Variants in LRRFIP2 observed in about 807,000 individuals in gnomAD.
LRRFIP2 encodes leucine-rich repeat flightless-interacting protein 2.
Under a neutral mutation model 125.9 loss-of-function variants are expected in LRRFIP2, and 109 were observed. That is an observed-to-expected ratio of 0.87 (90% CI 0.74 to 1.01). The LOEUF is 1.01. Among genes scored for constraint, LRRFIP2 ranks in the 50% least tolerant of loss-of-function variants. The pLI, the probability that LRRFIP2 is intolerant of heterozygous loss-of-function variation, is 0.00. For synonymous variants in LRRFIP2, 291 were observed against 293.1 expected, an observed-to-expected ratio of 0.99 and a Z score of 0.07; for missense variants, 850 against 862.3, an observed-to-expected ratio of 0.99 and a Z score of 0.18.
rs537960053 is a variant in LRRFIP2, at chr3:37,109,646, T to C, written c.564+7A>G. The C allele has an allele frequency of 6.2e-6, 10 of 1,613,960 alleles. No homozygotes were observed. The highest frequency in any genetic ancestry group is 8.5e-6 in the Non-Finnish European group (10 of 1,179,950). ...TAAAGGCAGAACATTCCTCAGAAAG[T>C]ACTAACCCTGTCACTCTTATATGTT... On this transcript the variant is annotated splice_region_variant and intron_variant, in intron 10 of 27. Coordinates refer to ENST00000336686, the MANE Select transcript of LRRFIP2 (RefSeq NM_006309.4).
intron 15 of LRRFIP2, among the ~76,000 whole-genome samples, chr3:37,100,622 T>C (rs2093986943): frequency 6.6e-6 from 1 of 152,172 alleles, no homozygotes; most frequent in South Asian, 2.1e-4. Context: ...GCACTTTCAC[T>C]TATATGTAAG....
chr3:37,165,175 C>T (rs1219877821), intron 1 of LRRFIP2, among the ~76,000 whole-genome samples: 1 of 150,498 alleles, frequency 6.6e-6, no homozygotes, highest in African/African-American at 2.5e-5. Context: ...GCGGAGCTTC[C>T]AGTGAGCCGA....
At chr3:37,058,052 G>A (rs1559637610) in intron 25 of LRRFIP2, among the ~76,000 whole-genome samples, 1 of 152,210 alleles carries the variant, frequency 6.6e-6, no homozygotes, top group Admixed American at 6.5e-5. Context: ...TCAATTTAGT[G>A]TGAAGTAGTT....
At chr3:37,156,701 A>AG (rs1357245282) in intron 1 of LRRFIP2, among the ~76,000 whole-genome samples, 2 of 149,036 alleles carry the variant, frequency 1.3e-5, no homozygotes, top group South Asian at 2.1e-4. Context: ...AAAAAAAAAA[A>AG]AAGAAGTGTG....
chr3:37,080,874 A>C (rs1003337774), intron 19 of LRRFIP2, among the ~76,000 whole-genome samples: 1 of 152,228 alleles, frequency 6.6e-6, no homozygotes, highest in Admixed American at 6.5e-5. Context: ...AAGTGTAAAA[A>C]AGAAAAATCA....
In LRRFIP2 at chr3:37,105,538, T is replaced by G; in HGVS notation, c.715-15A>C. ...TCGTTGGTAAACTATAGATATTAAATGCAGATAATGAAAAAGATGCAATTT... is the reference window on the plus strand; with the variant it reads ...TCGTTGGTAAACTATAGATATTAAAGGCAGATAATGAAAAAGATGCAATTT... On this transcript the variant is annotated splice_polypyrimidine_tract_variant and intron_variant, in intron 13 of 27. Transcript: ENST00000336686. 6.2e-7 allele frequency: 1 copy of G among 1,606,128 alleles called. No individual in the cohort carries two copies. Among genetic ancestry groups the G allele is most frequent in the Non-Finnish European group, 8.5e-7 (1 of 1,172,910 alleles).
intron 1 of LRRFIP2, among the ~76,000 whole-genome samples, chr3:37,162,422 C>A (rs1466222135): frequency 6.6e-6 from 1 of 152,054 alleles, no homozygotes; most frequent in Non-Finnish European, 1.5e-5. Flanking sequence ...AAAAGTAATT[C>A]TGGAAACAAG....
At chr3:37,090,123 T>A (rs1193642995) in intron 18 of LRRFIP2, among the ~76,000 whole-genome samples, 1 of 152,230 alleles carries the variant, frequency 6.6e-6, no homozygotes, top group African/African-American at 2.4e-5. Flanking sequence ...CCCTTGCCCA[T>A]GAAATCTATG....
chr3:37,165,914 T>G (rs769025064), intron 1 of LRRFIP2, among the ~76,000 whole-genome samples: 2 of 151,574 alleles, frequency 1.3e-5, no homozygotes, highest in African/African-American at 2.4e-5. Flanking sequence ...ACAAATGAGC[T>G]AAAACCATAA....
At chr3:37,072,681 G>A in intron 21 of LRRFIP2, 109 bp downstream of exon 21, 1 of 647,102 alleles carries the variant, frequency 1.5e-6, no homozygotes, top group East Asian at 2.7e-5. Context: ...TTCATACTGT[G>A]TAAATGCTCA....
intron 1 of LRRFIP2, among the ~76,000 whole-genome samples, chr3:37,173,896 G>A (rs897295309): frequency 2.0e-5 from 3 of 152,098 alleles, no homozygotes; most frequent in African/African-American, 4.8e-5. Context: ...TTTCGTTAAC[G>A]GAGATACTTA....
rs1455313674 is a variant in LRRFIP2 at position 37,106,904 on chromosome 3, C to CT, written c.714+1168dup. ...TCTAATGTCCATCACAGGGAAATGA[C>CT]TATTTTTTTTTTTTTTTGAGATGGA... On this transcript the variant is annotated intron_variant, in intron 13 of 27. Transcript: ENST00000336686. 2.7e-4 allele frequency among the ~76,000 whole-genome samples: 25 copies of CT among 93,644 alleles called. 1 individual carries two copies. The highest frequency in any genetic ancestry group is 1.7e-3 in the South Asian group (5 of 3,018). The allele number at this position is 93,644 out of a possible 152,430, so 61.4% of individuals were successfully genotyped here. A position where few individuals can be genotyped will look rare whatever the true frequency, so the allele number is the denominator to read the frequency against.
chr3:37,170,299 G>A (rs1204042556), intron 1 of LRRFIP2: 2 of 152,200 alleles, frequency 1.3e-5, no homozygotes, highest in East Asian at 3.8e-4. Flanking sequence ...ATGGTGACAT[G>A]AACCTTGGTC....
intron 1 of LRRFIP2, among the ~76,000 whole-genome samples, chr3:37,152,522 C>A (rs1185907027): frequency 6.6e-6 from 1 of 152,130 alleles, no homozygotes; most frequent in Non-Finnish European, 1.5e-5. Context: ...TGGCTCACTG[C>A]AGTCTTTGCC....
In LRRFIP2 at chr3:37,121,807, G is replaced by C. The variant is rs1203828426; in HGVS notation, c.229-116C>G. The stretch of plus-strand genomic sequence containing the variant: ...CAGCAACAACTCCTGAGAGCAGGCA[G>C]GTTTGGATAACTTATCTTAGGGGCA... On this transcript the variant is annotated intron_variant, in intron 4 of 27. Coordinates refer to ENST00000336686, the MANE Select transcript of LRRFIP2 (RefSeq NM_006309.4). The C allele has an allele frequency of 4.3e-6, 4 of 930,004 alleles. No homozygotes were observed. In the South Asian group the frequency reaches 5.7e-5, roughly 13 times the overall value. The allele number at this position is 930,004 out of a possible 1,614,324, so 57.6% of individuals were successfully genotyped here.
At chr3:37,117,415 T>C (rs1401789170) in intron 6 of LRRFIP2, among the ~76,000 whole-genome samples, 1 of 152,084 alleles carries the variant, frequency 6.6e-6, no homozygotes, top group Non-Finnish European at 1.5e-5. Context: ...AATTTGGGCA[T>C]ACCAATTTCT....
intron 18 of LRRFIP2, among the ~76,000 whole-genome samples, chr3:37,087,062 C>T (rs952595712): frequency 1.3e-5 from 2 of 151,962 alleles, no homozygotes; most frequent in Admixed American, 6.6e-5. Context: ...CCATGTTGCC[C>T]GGGTTGATCT....
intron 11 of LRRFIP2, among the ~76,000 whole-genome samples, chr3:37,109,156 G>C (rs1236154268): frequency 6.6e-6 from 1 of 152,150 alleles, no homozygotes; most frequent in Non-Finnish European, 1.5e-5. Context: ...TTTCTAGTCA[G>C]CTTGCTTTAT....
chr3:37,138,126 C>A (rs1053994025), intron 2 of LRRFIP2, among the ~76,000 whole-genome samples: 1 of 152,198 alleles, frequency 6.6e-6, no homozygotes, highest in African/African-American at 2.4e-5. Context: ...AAACAAGGAA[C>A]AAGTGAGGTA....
Sources: gnomAD v4.1 joint callset for allele counts (sites outside exome capture counted in the v4.1 genomes callset) on GRCh38, gnomAD v4.1.1 for gene constraint, MANE v1.5 for transcripts, NCBI Gene and HGNC (gene_info 2026-07-23, HGNC 2026-07-21) for gene names.